Variants in CSMD1 observed in about 807,000 individuals in gnomAD.
CSMD1 encodes the protein CUB and Sushi multiple domains 1.
Under a neutral mutation model 417.5 loss-of-function variants are expected in CSMD1, and 213 were observed. The ratio of observed to expected loss-of-function variants is 0.51; its 90% CI spans 0.46 to 0.57. The LOEUF (loss-of-function observed/expected upper bound fraction) is 0.57, where lower values mean the gene tolerates loss of function less well. Ranked by LOEUF, CSMD1 falls within the 20% of genes least tolerant of loss-of-function variation. The pLI is 0.00. For missense variants in CSMD1, 6,923 were observed against 4,529.7 expected (o/e 1.53, Z -15.17); for synonymous variants, 2,862 against 1,736.8 (o/e 1.65, Z -16.11).
chr8:4,472,282 T>C (rs1009597227), intron 2 of CSMD1, among the ~76,000 whole-genome samples: 1 of 152,162 alleles, frequency 6.6e-6, no homozygotes. Flanking sequence ...CTTCTAATAA[T>C]TAAAAAAGTA....
At chr8:4,312,850 G>C (rs1416634280) in intron 3 of CSMD1, among the ~76,000 whole-genome samples, 2 of 152,260 alleles carry the variant, frequency 1.3e-5, no homozygotes, top group Non-Finnish European at 2.9e-5. Context: ...GGCGGTAAGA[G>C]TGAAACCCCA....
intron 37 of CSMD1, among the ~76,000 whole-genome samples, chr8:3,174,401 G>A (rs926514477): frequency 6.6e-6 from 1 of 152,118 alleles, no homozygotes; most frequent in African/African-American, 2.4e-5. Context: ...AGGCTGAGGT[G>A]GGAGGATTGC....
At chr8:3,149,928 G>C (rs1238722282) in intron 40 of CSMD1, among the ~76,000 whole-genome samples, 2 of 152,096 alleles carry the variant, frequency 1.3e-5, no homozygotes, top group East Asian at 3.9e-4. Flanking sequence ...GACCAACAAG[G>C]CTCCGGTCCT....
intron 7 of CSMD1, among the ~76,000 whole-genome samples, chr8:3,697,134 T>A (rs1421209758): frequency 6.6e-6 from 1 of 152,172 alleles, no homozygotes; most frequent in Non-Finnish European, 1.5e-5. Flanking sequence ...TAATCATCAT[T>A]CAGTCTAAAT....
chr8:3,916,855 G>C (rs965026474), intron 5 of CSMD1, among the ~76,000 whole-genome samples: 6 of 151,906 alleles, frequency 3.9e-5, no homozygotes, highest in Non-Finnish European at 8.8e-5. Flanking sequence ...GAGAGATAAG[G>C]ACTTGCACCA....
At chr8:3,516,191 A>G (rs1585288378) in intron 10 of CSMD1, among the ~76,000 whole-genome samples, 2 of 152,184 alleles carry the variant, frequency 1.3e-5, no homozygotes, top group African/African-American at 4.8e-5. Context: ...ATTGTCTCCA[A>G]ATTTGAATAT....
At chr8:4,427,627 G>C (rs1280286940) in intron 2 of CSMD1, among the ~76,000 whole-genome samples, 2 of 152,154 alleles carry the variant, frequency 1.3e-5, no homozygotes, top group Middle Eastern at 3.4e-3. Context: ...TAAATTCCAT[G>C]TAATAATTAC....
At position 3,916,518 on chromosome 8, in the gene CSMD1, G is replaced by C. The variant is rs1225246370; in HGVS notation, c.818+81385C>G. 2.6e-5 allele frequency among the ~76,000 whole-genome samples: 4 copies of C among 152,240 alleles called. No homozygotes were observed. In the East Asian group the frequency reaches 7.7e-4, roughly 29 times the overall value. On this transcript the variant is annotated intron_variant, in intron 5 of 69. Transcript: ENST00000635120. ...TAAATGGGAATTAACTTCCTACTTA[G>C]GGATACGCCTAGGTTGAAACATTTA...
chr8:3,106,556 C>A lies in CSMD1; in HGVS notation c.6921G>T (p.Gln2307His). Residue 2307 changes from glutamine to histidine, a missense_variant, in exon 46 of 70, where the codon CAG becomes CAT. Transcript: ENST00000635120. ...ILTCKLSSQL[Q>H]FEGSLPTCEA... ...CACATGTTGGGAGAGAACCCTCAAA[C>A]TGCAACTGGGAACTGAGCTTGCAAG... 6.2e-7 allele frequency: 1 copy of A among 1,613,768 alleles called. No individual in the cohort carries two copies. The highest frequency in any genetic ancestry group is 8.5e-7 in the Non-Finnish European group (1 of 1,179,710).
intron 5 of CSMD1, among the ~76,000 whole-genome samples, chr8:3,835,956 T>C (rs1342611652): frequency 6.6e-6 from 1 of 152,156 alleles, no homozygotes; most frequent in Non-Finnish European, 1.5e-5. Context: ...AATAGAACTT[T>C]TGGATTAAGA....
At chr8:4,438,481 G>C (rs965599451) in intron 2 of CSMD1, among the ~76,000 whole-genome samples, 5 of 152,182 alleles carry the variant, frequency 3.3e-5, no homozygotes, top group South Asian at 2.1e-4. Flanking sequence ...CCAACGCTTG[G>C]GTTCCACAGC....
chr8:3,419,606 T>G (rs887558578), intron 12 of CSMD1, among the ~76,000 whole-genome samples: 2 of 152,118 alleles, frequency 1.3e-5, no homozygotes, highest in African/African-American at 4.8e-5. Flanking sequence ...GGCCAATTGC[T>G]ATAGATTCGT....
intron 5 of CSMD1, among the ~76,000 whole-genome samples, chr8:3,908,174 A>C (rs569857034): frequency 6.6e-6 from 1 of 152,146 alleles, no homozygotes; most frequent in South Asian, 2.1e-4. Context: ...TGCATCAATG[A>C]CCATGGGCCA....
At chr8:3,891,508 C>T (rs992391804) in intron 5 of CSMD1, among the ~76,000 whole-genome samples, 34 of 151,994 alleles carry the variant, frequency 2.2e-4, no homozygotes, top group African/African-American at 8.2e-4. Context: ...AACAAGACCC[C>T]ATGCCTAATC....
At chr8:4,749,842 C>G (rs1425639623) in intron 1 of CSMD1, among the ~76,000 whole-genome samples, 1 of 151,900 alleles carries the variant, frequency 6.6e-6, no homozygotes. Flanking sequence ...ATTTGGAAAG[C>G]CAGGGTGTGG....
intron 3 of CSMD1, among the ~76,000 whole-genome samples, chr8:4,053,306 T>A (rs1278695153): frequency 4.6e-5 from 7 of 152,230 alleles, no homozygotes; most frequent in African/African-American, 1.2e-4. Flanking sequence ...GCATTGCGAA[T>A]GCATGAGAAT....
chr8:4,290,109 A>C (rs1797278958), intron 3 of CSMD1, among the ~76,000 whole-genome samples: 1 of 152,234 alleles, frequency 6.6e-6, no homozygotes, highest in South Asian at 2.1e-4. Flanking sequence ...CAACAAAACC[A>C]AACGGAATCA....
chr8:4,210,806 C>T (rs1246936780), intron 3 of CSMD1, among the ~76,000 whole-genome samples: 1 of 152,090 alleles, frequency 6.6e-6, no homozygotes, highest in Non-Finnish European at 1.5e-5. Flanking sequence ...TACAAGGTCT[C>T]AAGACTATCA....
intron 3 of CSMD1, among the ~76,000 whole-genome samples, chr8:4,284,868 T>C (rs555087712): frequency 1.1e-4 from 16 of 152,024 alleles, no homozygotes; most frequent in Non-Finnish European, 2.2e-4. Flanking sequence ...AAAAAAAAAC[T>C]AGTTTAAAAA....
Sources: allele counts gnomAD v4.1 joint callset (sites outside exome capture counted in the v4.1 genomes callset), GRCh38; gene constraint gnomAD v4.1.1; transcripts MANE v1.5; gene names NCBI Gene and HGNC (gene_info 2026-07-23, HGNC 2026-07-21).